The following COL25A1 variants were observed in gnomAD, a reference collection of about 807,000 sequenced individuals.
The protein encoded by COL25A1 is collagen type XXV alpha 1 chain.
In COL25A1, 103 loss-of-function variants were observed where a neutral mutation model predicts 128.4. That is an observed-to-expected ratio of 0.80 (90% CI 0.68 to 0.94). The LOEUF is 0.94. Among genes scored for constraint, COL25A1 ranks in the 40% least tolerant of loss-of-function variants. COL25A1 has a pLI of 0.00. For missense variants in COL25A1, 745 were observed against 840.0 expected, an observed-to-expected ratio of 0.89 and a Z score of 1.40; for synonymous variants, 279 against 277.2, an observed-to-expected ratio of 1.01 and a Z score of -0.06.
chr4:108,932,771 A>G (rs1746904047), intron 11 of COL25A1, among the ~76,000 whole-genome samples: 1 of 152,236 alleles, frequency 6.6e-6, no homozygotes, highest in African/African-American at 2.4e-5. Flanking sequence ...GAAAGGAAAG[A>G]TACCTTTTAA....
intron 3 of COL25A1, among the ~76,000 whole-genome samples, chr4:109,095,624 A>C (rs1765329385): frequency 6.6e-6 from 1 of 152,232 alleles, no homozygotes; most frequent in Non-Finnish European, 1.5e-5. Context: ...TCCCCTGGGA[A>C]AGCTAAAGTA....
At chr4:109,162,155 CAG>C (rs1420734918) in intron 3 of COL25A1, among the ~76,000 whole-genome samples, 4 of 152,006 alleles carry the variant, frequency 2.6e-5, no homozygotes, top group Non-Finnish European at 5.9e-5. Context: ...GAAGATATAA[CAG>C]GGGAAATATA....
At chr4:109,056,087 T>C (rs1761421872) in intron 3 of COL25A1, among the ~76,000 whole-genome samples, 1 of 152,180 alleles carries the variant, frequency 6.6e-6, no homozygotes. Context: ...CCAAGTTCCA[T>C]AACTCTCACT....
At chr4:109,125,305 T>C (rs1768489871) in intron 3 of COL25A1, among the ~76,000 whole-genome samples, 1 of 152,092 alleles carries the variant, frequency 6.6e-6, no homozygotes, top group Admixed American at 6.6e-5. Context: ...ATCTAGGTAG[T>C]TCCTTCAATA....
At chr4:108,878,135 G>A (rs1374084511) in intron 19 of COL25A1, among the ~76,000 whole-genome samples, 7 of 152,026 alleles carry the variant, frequency 4.6e-5, no homozygotes, top group Admixed American at 4.6e-4. Context: ...TGTCCTGACT[G>A]ATTAGCTGTT....
chr4:109,139,155 T>C (rs1770131344), intron 3 of COL25A1, among the ~76,000 whole-genome samples: 1 of 152,020 alleles, frequency 6.6e-6, no homozygotes, highest in South Asian at 2.1e-4. Flanking sequence ...GTTCATATCC[T>C]TTGCCCACTT....
At chr4:109,082,640 T>C (rs1043040021) in intron 3 of COL25A1, among the ~76,000 whole-genome samples, 3 of 152,218 alleles carry the variant, frequency 2.0e-5, no homozygotes, top group African/African-American at 7.2e-5. Context: ...TTAAAATTGG[T>C]TTGTCTTTTT....
At chr4:108,952,894 T>C (rs1749631708) in intron 8 of COL25A1, among the ~76,000 whole-genome samples, 1 of 137,578 alleles carries the variant, frequency 7.3e-6, no homozygotes, top group Admixed American at 8.4e-5. Flanking sequence ...ATAAGTGTCC[T>C]GCCATTCTCT....
chr4:108,868,606 A>AAAAGAAAGAAAG (rs61280631), intron 20 of COL25A1, among the ~76,000 whole-genome samples: 1,968 of 147,040 alleles, frequency 0.013, 50 homozygotes, highest in African/African-American at 0.045. Flanking sequence ...GAAAGAAAGA[A>AAAAGAAAGAAAG]AAAGAAAGAA....
intron 3 of COL25A1, among the ~76,000 whole-genome samples, chr4:109,159,330 T>C (rs1034098723): frequency 2.0e-5 from 3 of 152,082 alleles, no homozygotes; most frequent in Non-Finnish European, 4.4e-5. Flanking sequence ...TCTAACCTAA[T>C]GTTCACTATG....
intron 19 of COL25A1, among the ~76,000 whole-genome samples, chr4:108,881,578 C>T (rs181734864): frequency 2.6e-5 from 4 of 152,262 alleles, no homozygotes; most frequent in Admixed American, 2.0e-4. Flanking sequence ...TTAAATACTG[C>T]TACTCGTTCA....
chr4:109,154,585 C>A (rs78698333), intron 3 of COL25A1, among the ~76,000 whole-genome samples: 2 of 152,168 alleles, frequency 1.3e-5, no homozygotes, highest in Non-Finnish European at 2.9e-5. Context: ...GTTGGCAGGA[C>A]AGTTGTTCCT....
chr4:109,181,471 A>T (rs1385359759), intron 3 of COL25A1, among the ~76,000 whole-genome samples: 1 of 152,186 alleles, frequency 6.6e-6, no homozygotes, highest in Non-Finnish European at 1.5e-5. Flanking sequence ...AAGATATCAG[A>T]TTATATGGTT....
chr4:109,246,661 A>G (rs1337371270), intron 3 of COL25A1, among the ~76,000 whole-genome samples: 1 of 152,134 alleles, frequency 6.6e-6, no homozygotes, highest in Non-Finnish European at 1.5e-5. Context: ...TAATTATTCT[A>G]AAAAATTGAC....
At chr4:109,239,206 T>C (rs1048427805) in intron 3 of COL25A1, among the ~76,000 whole-genome samples, 2 of 151,616 alleles carry the variant, frequency 1.3e-5, no homozygotes, top group African/African-American at 2.4e-5. Flanking sequence ...GCAAACATCA[T>C]AGAGTGTACT....
intron 3 of COL25A1, among the ~76,000 whole-genome samples, chr4:109,142,833 G>A (rs1039278428): frequency 2.0e-5 from 3 of 151,918 alleles, no homozygotes; most frequent in Admixed American, 6.6e-5. Context: ...CCTGAATACA[G>A]CACACTGATG....
intron 3 of COL25A1, among the ~76,000 whole-genome samples, chr4:109,253,267 G>A (rs1780785771): frequency 6.6e-6 from 1 of 152,190 alleles, no homozygotes; most frequent in African/African-American, 2.4e-5. Context: ...AGGCTGAAAT[G>A]TTCCAAGATC....
chr4:109,079,869 A>AGGGGCAATAT (rs1763693043), intron 3 of COL25A1, among the ~76,000 whole-genome samples: 1 of 149,170 alleles, frequency 6.7e-6, no homozygotes, highest in Non-Finnish European at 1.5e-5. Context: ...TAGAGACTAC[A>AGGGGCAATAT]GGGGCAATAT....
At chr4:109,103,568 G>GA (rs1265923077) in intron 3 of COL25A1, among the ~76,000 whole-genome samples, 27 of 152,068 alleles carry the variant, frequency 1.8e-4, no homozygotes, top group Non-Finnish European at 3.8e-4. Context: ...TGTCAAACAA[G>GA]TTTCAAAGTA....
Sources: allele counts gnomAD v4.1 joint callset (sites outside exome capture counted in the v4.1 genomes callset), GRCh38; gene constraint gnomAD v4.1.1; transcripts MANE v1.5; gene names NCBI Gene and HGNC (gene_info 2026-07-23, HGNC 2026-07-21).